Variants in FAM13B observed in about 807,000 individuals in gnomAD.
FAM13B encodes protein FAM13B.
FAM13B carries 60 observed loss-of-function variants against 117.3 expected under a neutral mutation model. The ratio of observed to expected loss-of-function variants is 0.51; its 90% CI spans 0.42 to 0.63. FAM13B has a LOEUF of 0.63. Ranked by LOEUF, FAM13B falls within the 30% of genes least tolerant of loss-of-function variation. The pLI is 0.00. For synonymous variants in FAM13B, 332 were observed against 356.1 expected (o/e 0.93, Z 0.76); for missense variants, 972 against 1,091.9 (o/e 0.89, Z 1.55).
At chr5:138,025,125 C>T (rs1181150420) in intron 1 of FAM13B, among the ~76,000 whole-genome samples, 3 of 151,442 alleles carry the variant, frequency 2.0e-5, no homozygotes, top group African/African-American at 2.4e-5. Flanking sequence ...CTGCACACCT[C>T]GGCATTACAG....
At chr5:138,047,698 G>A (rs1791683295) in intron 1 of FAM13B, among the ~76,000 whole-genome samples, 1 of 152,122 alleles carries the variant, frequency 6.6e-6, no homozygotes, top group African/African-American at 2.4e-5. Context: ...GAAGAGGAAG[G>A]CAGAAGACAC....
At chr5:138,045,900 G>T (rs921972594) in intron 1 of FAM13B, among the ~76,000 whole-genome samples, 4 of 150,430 alleles carry the variant, frequency 2.7e-5, no homozygotes, top group African/African-American at 9.8e-5. Context: ...AGCCAAGATG[G>T]CACCACTGCA....
At chr5:137,951,467 A>G (rs557169320) in intron 17 of FAM13B, among the ~76,000 whole-genome samples, 15 of 152,126 alleles carry the variant, frequency 9.9e-5, no homozygotes, top group African/African-American at 3.6e-4. Flanking sequence ...AGACCAATCC[A>G]GGCACAAAGC....
intron 4 of FAM13B, among the ~76,000 whole-genome samples, chr5:138,014,620 CA>C (rs2150934919): frequency 6.6e-6 from 1 of 152,236 alleles, no homozygotes; most frequent in Admixed American, 6.5e-5. Context: ...AGCAGATGTT[CA>C]ATAAACATTA....
chr5:138,018,554 T>G (rs1785818891), intron 3 of FAM13B, 40 bp from the exon 4 acceptor site: 1 of 1,542,410 alleles, frequency 6.5e-7, no homozygotes. Context: ...AGCTGCAATG[T>G]CAACTGCTTG....
At chr5:138,012,508 A>C (rs9327806) in intron 4 of FAM13B, among the ~76,000 whole-genome samples, 28,984 of 152,182 alleles carry the variant, frequency 0.19, 2,918 homozygotes, top group African/African-American at 0.25. Context: ...TAACTAAATT[A>C]AAAGGTCTTT....
chr5:138,005,441 A>G (rs1782299446), intron 7 of FAM13B, among the ~76,000 whole-genome samples: 1 of 135,362 alleles, frequency 7.4e-6, no homozygotes, highest in Non-Finnish European at 1.6e-5. Context: ...GAAGGAGGAA[A>G]AAAGGGCCAA....
At chr5:137,966,337 T>C (rs1241899009) in intron 10 of FAM13B, among the ~76,000 whole-genome samples, 1 of 151,030 alleles carries the variant, frequency 6.6e-6, no homozygotes, top group Non-Finnish European at 1.5e-5. Context: ...CATGGGAGGC[T>C]GAGGCAGGAG....
chr5:137,999,011 C>A (rs1339319173), intron 7 of FAM13B, among the ~76,000 whole-genome samples: 2 of 152,232 alleles, frequency 1.3e-5, no homozygotes, highest in Admixed American at 1.3e-4. Context: ...CCCAAGGTCC[C>A]CCATCATTGG....
At chr5:138,006,564 AT>A (rs943861156) in intron 7 of FAM13B, among the ~76,000 whole-genome samples, 3 of 152,204 alleles carry the variant, frequency 2.0e-5, no homozygotes, top group African/African-American at 7.2e-5. Flanking sequence ...AAATATTATC[AT>A]TTTGTACATG....
intron 17 of FAM13B, among the ~76,000 whole-genome samples, chr5:137,949,827 G>A (rs1764445496): frequency 6.6e-6 from 1 of 151,778 alleles, no homozygotes; most frequent in Non-Finnish European, 1.5e-5. Flanking sequence ...TGAGCACTGT[G>A]GCACATGCCT....
intron 10 of FAM13B, among the ~76,000 whole-genome samples, chr5:137,966,482 TATATATAGAGAGAGAGAG>T (rs1451041650): frequency 2.3e-3 from 124 of 53,862 alleles, no homozygotes; most frequent in African/African-American, 8.2e-3. Flanking sequence ...TATATATATA[TATATATAGAGAGAGAGAG>T]AGAGAGAGAG....
rs762857213 is a variant in FAM13B at position 137,942,850 on chromosome 5, T to C, written c.2588+25A>G. 4 of 1,574,290 alleles carry C rather than the reference T, an allele frequency of 2.5e-6. No homozygotes were observed. The African/African-American group carries it at 5.5e-5, about 22-fold the overall frequency. On this transcript the variant is annotated intron_variant, in intron 22 of 23. Transcript: ENST00000689681. ...TATACATTTTATTATAAAAATAGGC[T>C]AAAATCACAAATCAGCATACATACA...
upstream of FAM13B, among the ~76,000 whole-genome samples, chr5:138,033,478 T>C (rs1462570): frequency 0.98 from 149,378 of 152,336 alleles, 73,311 homozygotes; most frequent in Middle Eastern, 1. Context: ...AGCGGTGACT[T>C]CGGTTCCCAT....
upstream of FAM13B, among the ~76,000 whole-genome samples, chr5:138,034,748 TAA>T (rs1174396265): frequency 6.6e-6 from 1 of 152,156 alleles, no homozygotes; most frequent in Non-Finnish European, 1.5e-5. Flanking sequence ...TATCTCTCTT[TAA>T]ATATCTTAAA....
Position 138,030,315 on chromosome 5 carries a change from C to T in FAM13B, c.-203+2467G>A, listed in dbSNP as rs10052285. Among the ~76,000 whole-genome samples, 1,030 of 152,270 alleles carry T rather than the reference C, an allele frequency of 6.8e-3. 8 individuals are homozygous for T. Among genetic ancestry groups the T allele is most frequent in the African/African-American group, 0.024 (989 of 41,550 alleles). Reference sequence around the variant, plus strand: ...AGGCTGGAATGCAATGGCATCATCACAGCTCACTGCAGCCTCAAACTCCTG... The same window carrying T: ...AGGCTGGAATGCAATGGCATCATCATAGCTCACTGCAGCCTCAAACTCCTG... On this transcript the variant is annotated intron_variant, in intron 1 of 23. Transcript: ENST00000689681.
intron 4 of FAM13B, among the ~76,000 whole-genome samples, chr5:138,013,872 T>C (rs1055947268): frequency 6.6e-6 from 1 of 152,160 alleles, no homozygotes; most frequent in African/African-American, 2.4e-5. Flanking sequence ...TACCTATCCA[T>C]ATGTTTATTT....
chr5:137,970,173 T>C (rs1410427784), intron 10 of FAM13B, among the ~76,000 whole-genome samples: 2 of 150,152 alleles, frequency 1.3e-5, no homozygotes, highest in African/African-American at 2.5e-5. Flanking sequence ...TTCACCAAAG[T>C]TGAAACGAAG....
intron 1 of FAM13B, among the ~76,000 whole-genome samples, chr5:138,029,646 G>A (rs1226615988): frequency 1.3e-5 from 2 of 152,016 alleles, no homozygotes; most frequent in South Asian, 4.2e-4. Flanking sequence ...TCCAAATTAG[G>A]ACCATAGAGA....
Sources: gnomAD v4.1 joint callset for allele counts (sites outside exome capture counted in the v4.1 genomes callset) on GRCh38, gnomAD v4.1.1 for gene constraint, MANE v1.5 for transcripts, NCBI Gene and HGNC (gene_info 2026-07-23, HGNC 2026-07-21) for gene names.